The following NRG1 variants were observed in gnomAD, a reference collection of about 807,000 sequenced individuals.
The protein encoded by NRG1 is pro-neuregulin-1, membrane-bound isoform.
In NRG1, 18 loss-of-function variants were observed where a neutral mutation model predicts 63.8. That is an observed-to-expected ratio of 0.28 (90% CI 0.19 to 0.42). The LOEUF is 0.42. Among genes scored for constraint, NRG1 ranks in the 10% least tolerant of loss-of-function variants. The pLI, the probability that NRG1 is intolerant of heterozygous loss-of-function variation, is 1.00. For synonymous variants in NRG1, 302 were observed against 301.3 expected, an observed-to-expected ratio of 1.00 and a Z score of -0.02; for missense variants, 762 against 814.7, an observed-to-expected ratio of 0.94 and a Z score of 0.79.
At chr8:32,533,124 C>T (rs1563595173) in intron 1 of NRG1, among the ~76,000 whole-genome samples, 2 of 151,526 alleles carry the variant, frequency 1.3e-5, no homozygotes, top group Non-Finnish European at 2.9e-5. Flanking sequence ...GGAGTAACAA[C>T]ATGTTTTCCT....
intron 1 of NRG1, among the ~76,000 whole-genome samples, chr8:31,801,348 C>T (rs578224111): frequency 6.6e-6 from 1 of 152,072 alleles, no homozygotes; most frequent in Non-Finnish European, 1.5e-5. Context: ...ATGAAGTTAG[C>T]GTCTTTCTTG....
At chr8:32,235,376 G>A (rs1847434968) in intron 1 of NRG1, among the ~76,000 whole-genome samples, 1 of 152,010 alleles carries the variant, frequency 6.6e-6, no homozygotes, top group Admixed American at 6.6e-5. Flanking sequence ...CTACCCTAGG[G>A]TGCAAGATTC....
chr8:31,648,279 G>A (rs1278820493), intron 1 of NRG1, among the ~76,000 whole-genome samples: 5 of 151,422 alleles, frequency 3.3e-5, no homozygotes, highest in East Asian at 1.9e-4. Flanking sequence ...GACTACAGGC[G>A]CGCGCCACCA....
intron 1 of NRG1, among the ~76,000 whole-genome samples, chr8:32,318,918 A>G (rs1801063059): frequency 6.6e-6 from 1 of 152,136 alleles, no homozygotes; most frequent in Non-Finnish European, 1.5e-5. Context: ...GTAAAATTCA[A>G]CTGACTCAGA....
intron 1 of NRG1, among the ~76,000 whole-genome samples, chr8:32,303,183 C>CAAAA (rs1563291349): frequency 1.5e-4 from 9 of 59,702 alleles, no homozygotes; most frequent in Non-Finnish European, 2.0e-4. Flanking sequence ...AACTCAGTCT[C>CAAAA]CAAAAAAAAA....
At chr8:32,426,057 G>A (rs1817324080) in intron 1 of NRG1, among the ~76,000 whole-genome samples, 1 of 152,122 alleles carries the variant, frequency 6.6e-6, no homozygotes, top group South Asian at 2.1e-4. Flanking sequence ...TGTTATGCTA[G>A]GTGAGAAATA....
chr8:32,316,955 T>A (rs1857473094), intron 1 of NRG1, among the ~76,000 whole-genome samples: 1 of 152,242 alleles, frequency 6.6e-6, no homozygotes, highest in Admixed American at 6.5e-5. Flanking sequence ...GAGGAAGTAT[T>A]TTCTCCTGCC....
intron 1 of NRG1, among the ~76,000 whole-genome samples, chr8:31,669,412 A>AT (rs927948176): frequency 5.9e-5 from 9 of 151,470 alleles, no homozygotes; most frequent in Non-Finnish European, 1.0e-4. Flanking sequence ...TAATTTTTGT[A>AT]TTTTTTTGTA....
chr8:32,420,384 A>G (rs544259420), intron 1 of NRG1, among the ~76,000 whole-genome samples: 1 of 152,212 alleles, frequency 6.6e-6, no homozygotes, highest in South Asian at 2.1e-4. Context: ...AATTTCTACA[A>G]CTGGCCTTTT....
In NRG1 at chr8:32,259,914, T is replaced by TTCA. The variant is rs1362478433; in HGVS notation, c.38-335912_38-335910dup. 2.6e-5 allele frequency among the ~76,000 whole-genome samples: 4 copies of TTCA among 152,212 alleles called. No homozygotes were observed. The East Asian group carries it at 7.7e-4, about 29-fold the overall frequency. ...AGCTTTATACAAGAGTTATATTTCA[T>TTCA]TCATTTCATTTTCTTTTCTTTCTAT... is the stretch of plus-strand genomic sequence containing the variant. On this transcript the variant is annotated intron_variant, in intron 1 of 10. Transcript: ENST00000519301.
At chr8:31,656,568 G>A (rs1805453292) in intron 1 of NRG1, among the ~76,000 whole-genome samples, 1 of 152,160 alleles carries the variant, frequency 6.6e-6, no homozygotes, top group African/African-American at 2.4e-5. Context: ...GCTTTCTTTG[G>A]TGGTGGGGGA....
At chr8:32,630,485 G>A (rs1850073043) in intron 5 of NRG1, among the ~76,000 whole-genome samples, 1 of 152,156 alleles carries the variant, frequency 6.6e-6, no homozygotes, top group South Asian at 2.1e-4. Flanking sequence ...AAAGGTATAT[G>A]CATTAAACAT....
At chr8:32,416,726 T>A (rs1218149419) in intron 1 of NRG1, among the ~76,000 whole-genome samples, 2 of 152,122 alleles carry the variant, frequency 1.3e-5, no homozygotes, top group Non-Finnish European at 2.9e-5. Context: ...CTGGCTGTGT[T>A]GCCCAGGCTA....
chr8:32,100,069 T>A (rs1830375885), intron 1 of NRG1, among the ~76,000 whole-genome samples: 1 of 152,048 alleles, frequency 6.6e-6, no homozygotes. Context: ...CTACCCTTCT[T>A]CCAGCTCTTC....
intron 1 of NRG1, among the ~76,000 whole-genome samples, chr8:31,731,025 A>G (rs1296871365): frequency 6.6e-6 from 1 of 152,100 alleles, no homozygotes; most frequent in Non-Finnish European, 1.5e-5. Flanking sequence ...TCCTTCGAGG[A>G]GTAGGACTTT....
intron 5 of NRG1, among the ~76,000 whole-genome samples, chr8:32,704,385 A>G (rs1289250881): frequency 6.6e-6 from 1 of 152,220 alleles, no homozygotes; most frequent in East Asian, 1.9e-4. Context: ...GTATCCGGCT[A>G]AGGTTTACTA....
chr8:32,648,424 T>C, intron 5 of NRG1: 1 of 1,596,106 alleles, frequency 6.3e-7, no homozygotes, highest in Non-Finnish European at 8.6e-7. Context: ...TGATGATGAA[T>C]AAAAGGGGTG....
chr8:31,948,207 T>C (rs1176818349), intron 1 of NRG1, among the ~76,000 whole-genome samples: 1 of 152,224 alleles, frequency 6.6e-6, no homozygotes, highest in Non-Finnish European at 1.5e-5. Context: ...GTTAGCATTT[T>C]CATTTTTCTT....
chr8:32,354,774 T>A (rs1806128389), intron 1 of NRG1, among the ~76,000 whole-genome samples: 1 of 144,052 alleles, frequency 6.9e-6, no homozygotes, highest in African/African-American at 2.5e-5. Context: ...GTATATTGAG[T>A]TATATCTCAA....
Sources: gnomAD v4.1 joint callset for allele counts (sites outside exome capture counted in the v4.1 genomes callset) on GRCh38, gnomAD v4.1.1 for gene constraint, MANE v1.5 for transcripts, NCBI Gene and HGNC (gene_info 2026-07-23, HGNC 2026-07-21) for gene names.